The following EDIL3 variants were observed in gnomAD, a reference collection of about 807,000 sequenced individuals.
The protein encoded by EDIL3 is EGF like and discoidin domains 3, also known as EGF-like repeat and discoidin I-like domain-containing protein 3.
A neutral mutation model predicts 67.4 loss-of-function variants in EDIL3; 37 were observed. That is an observed-to-expected ratio of 0.55 (90% CI 0.42 to 0.72). The LOEUF is 0.72. EDIL3 is among the 30% of genes least tolerant of loss of function. EDIL3 has a pLI of 0.00. For missense variants in EDIL3, 527 were observed against 586.3 expected, an observed-to-expected ratio of 0.90 and a Z score of 1.04; for synonymous variants, 195 against 196.3, an observed-to-expected ratio of 0.99 and a Z score of 0.05.
At chr5:84,311,951 G>C (rs972916687) in intron 1 of EDIL3, among the ~76,000 whole-genome samples, 1 of 152,272 alleles carries the variant, frequency 6.6e-6, no homozygotes, top group African/African-American at 2.4e-5. Flanking sequence ...AGTCTCCCGT[G>C]TCTACCTCTT....
At chr5:84,063,872 T>A (rs927826607) in intron 8 of EDIL3, among the ~76,000 whole-genome samples, 8 of 152,270 alleles carry the variant, frequency 5.3e-5, no homozygotes, top group Admixed American at 4.6e-4. Flanking sequence ...TTCAGGCCAC[T>A]GCAGCAAAGA....
intron 6 of EDIL3, among the ~76,000 whole-genome samples, chr5:84,070,069 T>G (rs1330541856): frequency 5.3e-5 from 8 of 152,018 alleles, no homozygotes; most frequent in Non-Finnish European, 7.4e-5. Context: ...GTCCTGCCGC[T>G]GAGCAGCCCA....
intron 1 of EDIL3, among the ~76,000 whole-genome samples, chr5:84,299,758 G>A (rs539913228): frequency 2.3e-4 from 35 of 152,202 alleles, no homozygotes; most frequent in African/African-American, 7.5e-4. Flanking sequence ...ATGTACATAT[G>A]TATGTATAAC....
intron 1 of EDIL3, among the ~76,000 whole-genome samples, chr5:84,283,825 G>A (rs972863762): frequency 6.6e-6 from 1 of 151,938 alleles, no homozygotes; most frequent in Non-Finnish European, 1.5e-5. Flanking sequence ...ATGTCTCTAT[G>A]AGATCACAAG....
chr5:84,258,015 G>A (rs1306774363), intron 1 of EDIL3, among the ~76,000 whole-genome samples: 3 of 152,170 alleles, frequency 2.0e-5, no homozygotes, highest in African/African-American at 7.2e-5. Flanking sequence ...AAATTAATAA[G>A]GGCCCCACAT....
intron 1 of EDIL3, among the ~76,000 whole-genome samples, chr5:84,365,372 C>T (rs1328884388): frequency 6.6e-6 from 1 of 152,046 alleles, no homozygotes; most frequent in Non-Finnish European, 1.5e-5. Flanking sequence ...ATCCTGAGTT[C>T]CACCTTTAAA....
intron 4 of EDIL3, among the ~76,000 whole-genome samples, chr5:84,148,054 GATTAT>G (rs767751174): frequency 1.1e-4 from 16 of 152,004 alleles, no homozygotes; most frequent in African/African-American, 3.6e-4. Context: ...CTATTGTAAG[GATTAT>G]ATTATACTTC....
chr5:84,150,643 T>A (rs1362369968), intron 4 of EDIL3, among the ~76,000 whole-genome samples: 1 of 152,202 alleles, frequency 6.6e-6, no homozygotes. Context: ...TTGGTGAGGA[T>A]GTGGAGGAAT....
intron 1 of EDIL3, among the ~76,000 whole-genome samples, chr5:84,281,832 C>A (rs1370429650): frequency 6.8e-6 from 1 of 147,184 alleles, no homozygotes; most frequent in Non-Finnish European, 1.5e-5. Context: ...TGCCAGATTT[C>A]AGCATATTCA....
rs977712333 is a variant in EDIL3 at position 84,143,904 on chromosome 5, C to T, written c.356-6550G>A. Among the ~76,000 whole-genome samples, 3 of 151,986 alleles carry T rather than the reference C, an allele frequency of 2.0e-5. No individual in the cohort carries two copies. In the East Asian group the frequency reaches 5.8e-4, roughly 29 times the overall value. On this transcript the variant is annotated intron_variant, in intron 4 of 10. Coordinates refer to ENST00000296591, the MANE Select transcript of EDIL3 (RefSeq NM_005711.5). ...TATTTGTTAATTGGTAAGAAAGAACCGGGAATATTAGTAACCTTGGGATCA... is the reference window on the plus strand; with the variant it reads ...TATTTGTTAATTGGTAAGAAAGAACTGGGAATATTAGTAACCTTGGGATCA...
chr5:83,982,311 TATA>T (rs921761108), intron 9 of EDIL3, among the ~76,000 whole-genome samples: 15 of 152,242 alleles, frequency 9.9e-5, no homozygotes, highest in Admixed American at 1.3e-4. Flanking sequence ...CCAAAATTAA[TATA>T]TCAATTAATA....
At chr5:84,043,829 CA>C (rs1239122221) in intron 9 of EDIL3, among the ~76,000 whole-genome samples, 1 of 151,946 alleles carries the variant, frequency 6.6e-6, no homozygotes, top group Non-Finnish European at 1.5e-5. Flanking sequence ...TATAGAAATA[CA>C]ATTTAATTAT....
At chr5:84,186,977 T>G (rs1337885350) in intron 3 of EDIL3, among the ~76,000 whole-genome samples, 1 of 152,094 alleles carries the variant, frequency 6.6e-6, no homozygotes, top group Non-Finnish European at 1.5e-5. Flanking sequence ...TTCTGATTAG[T>G]ATTCATAAAA....
intron 3 of EDIL3, among the ~76,000 whole-genome samples, chr5:84,219,472 C>T (rs774686012): frequency 1.3e-4 from 20 of 151,942 alleles, no homozygotes; most frequent in Non-Finnish European, 2.4e-4. Context: ...CCAGTGAGGA[C>T]GTGGAGGAAA....
At chr5:84,067,335 T>TA (rs1746662421) in intron 6 of EDIL3, among the ~76,000 whole-genome samples, 1 of 152,188 alleles carries the variant, frequency 6.6e-6, no homozygotes, top group Non-Finnish European at 1.5e-5. Context: ...TTCTCATGTT[T>TA]AATAGAGATA....
chr5:84,109,711 C>A (rs921016423), intron 5 of EDIL3, among the ~76,000 whole-genome samples: 1 of 151,962 alleles, frequency 6.6e-6, no homozygotes, highest in Non-Finnish European at 1.5e-5. Flanking sequence ...CAAAAATACC[C>A]CCCAAAAACC....
intron 1 of EDIL3, among the ~76,000 whole-genome samples, chr5:84,277,244 C>T (rs1745600419): frequency 6.6e-6 from 1 of 152,030 alleles, no homozygotes; most frequent in Non-Finnish European, 1.5e-5. Flanking sequence ...TGATTAGTGT[C>T]CTTATAACAG....
chr5:84,384,609 C>T lies in EDIL3; in HGVS notation c.-235G>A, dbSNP rs1005038727. On this transcript the variant is annotated 5_prime_UTR_variant, in exon 1 of 11. Transcript: ENST00000296591. ...GCTCCGGCGCGCGGAGGTGGGTGAGCTCCGGGGAGCCGCCGGCGGGCTCAG... is the reference window on the plus strand; with the variant it reads ...GCTCCGGCGCGCGGAGGTGGGTGAGTTCCGGGGAGCCGCCGGCGGGCTCAG... The T allele has an allele frequency of 1.5e-5, 5 of 344,384 alleles. No homozygotes were observed. Among genetic ancestry groups the T allele is most frequent in the Admixed American group, 1.4e-4 (3 of 20,720 alleles). 21.3% of individuals were successfully genotyped at this position (344,384 alleles called of 1,614,324 possible). A position where few individuals can be genotyped will look rare whatever the true frequency, so the allele number is the denominator to read the frequency against.
chr5:84,228,661 C>T (rs1289324981), intron 3 of EDIL3, among the ~76,000 whole-genome samples: 1 of 152,122 alleles, frequency 6.6e-6, no homozygotes, highest in Non-Finnish European at 1.5e-5. Flanking sequence ...GAGTATCATG[C>T]AACATGACAT....
Sources: gnomAD v4.1 joint callset for allele counts (sites outside exome capture counted in the v4.1 genomes callset) on GRCh38, gnomAD v4.1.1 for gene constraint, MANE v1.5 for transcripts, NCBI Gene and HGNC (gene_info 2026-07-23, HGNC 2026-07-21) for gene names.